The following EML1 variants were observed in gnomAD, a reference collection of about 807,000 sequenced individuals.
The protein encoded by EML1 is EMAP like 1.
A neutral mutation model predicts 110.4 loss-of-function variants in EML1; 27 were observed. The observed-to-expected ratio is 0.24, with a 90% CI of 0.18 to 0.34. The LOEUF is 0.34. Ranked by LOEUF, EML1 falls within the 10% of genes least tolerant of loss-of-function variation. EML1 has a pLI of 1.00. For missense variants in EML1, 741 were observed against 1,030.9 expected (o/e 0.72, Z 3.85); for synonymous variants, 344 against 385.8 (o/e 0.89, Z 1.27).
chr14:99,770,939 T>C (rs1177206142), upstream of EML1, among the ~76,000 whole-genome samples: 1 of 151,794 alleles, frequency 6.6e-6, no homozygotes, highest in African/African-American at 2.4e-5. Flanking sequence ...CGCCCGCCAC[T>C]ACGCCCAGCT....
chr14:99,793,671 C>A, intron 1 of EML1, 128 bp downstream of exon 1: 1 of 657,362 alleles, frequency 1.5e-6, no homozygotes, highest in Non-Finnish European at 1.9e-6. Flanking sequence ...AAAGTTGTTG[C>A]GGAGGGGCGC....
At position 99,865,558 on chromosome 14, in the gene EML1, A is replaced by G; in HGVS notation, c.295A>G (p.Asn99Asp). Reference protein sequence around the residue: ...QTLPLRTTVNNGTVLPKKPTG... With the variant: ...QTLPLRTTVNDGTVLPKKPTG... Reference sequence around the variant, plus strand: ...CCTGCCTTTAAGAACCACGGTCAACAATGGCACTGTGTTACCAAAGAAACC... The same window carrying G: ...CCTGCCTTTAAGAACCACGGTCAACGATGGCACTGTGTTACCAAAGAAACC... Residue 99 changes from asparagine to aspartate, a missense_variant, in exon 3 of 22, where the codon AAT (asparagine) becomes GAT (aspartate). This residue lies in a region of EML1 where 226 missense variants were observed against 255.6 expected (regional missense o/e 0.88). Coordinates refer to ENST00000262233, the MANE Select transcript of EML1 (RefSeq NM_004434.3). The G allele has an allele frequency of 6.2e-7, 1 of 1,614,230 alleles. No homozygotes were observed. The highest frequency in any genetic ancestry group is 8.5e-7 in the Non-Finnish European group (1 of 1,180,038).
chr14:99,889,233 G>T (rs2139978786), intron 4 of EML1, among the ~76,000 whole-genome samples: 1 of 151,408 alleles, frequency 6.6e-6, no homozygotes, highest in Middle Eastern at 3.4e-3. Flanking sequence ...CCCACACCAG[G>T]TTCTTGGCAG....
At chr14:99,925,175 G>A (rs1566941122) in intron 17 of EML1, among the ~76,000 whole-genome samples, 1 of 151,910 alleles carries the variant, frequency 6.6e-6, no homozygotes, top group African/African-American at 2.4e-5. Flanking sequence ...CAGAATGTAT[G>A]TGAATTTGGT....
chr14:99,909,290 GTC>G, intron 10 of EML1, 53 bp from the exon 11 acceptor site: 1 of 1,611,470 alleles, frequency 6.2e-7, no homozygotes, highest in South Asian at 1.1e-5. Flanking sequence ...TTTCCTACAT[GTC>G]TCTTACGCGT....
intron 3 of EML1, among the ~76,000 whole-genome samples, chr14:99,867,784 A>G (rs983274331): frequency 1.4e-4 from 21 of 152,214 alleles, no homozygotes; most frequent in Non-Finnish European, 2.1e-4. Context: ...TTTACTTTGG[A>G]TCCTTTCCTA....
upstream of EML1, among the ~76,000 whole-genome samples, chr14:99,772,734 T>C (rs141008313): frequency 1.4e-3 from 206 of 152,324 alleles, 1 homozygote; most frequent in Non-Finnish European, 6.5e-4. Flanking sequence ...CTACATATAG[T>C]ATTAATATAA....
At chr14:99,847,509 C>G (rs2058725797) in intron 1 of EML1, among the ~76,000 whole-genome samples, 1 of 152,120 alleles carries the variant, frequency 6.6e-6, no homozygotes, top group East Asian at 1.9e-4. Flanking sequence ...GCCACCATGC[C>G]TGGCTAATTT....
In EML1 at chr14:99,911,661, A is replaced by C. The variant is rs923767154; in HGVS notation, c.1494+85A>C. ...TATTAGTTTGAAATCTGTATCTTAC[A>C]GTTTTGAAAATTGTTTAGGTGAAAT... is the stretch of plus-strand genomic sequence containing the variant. On this transcript the variant is annotated intron_variant, in intron 13 of 21. Transcript: ENST00000262233. 8.2e-6 allele frequency: 12 copies of C among 1,468,300 alleles called. No individual in the cohort carries two copies. The Admixed American group carries it at 2.5e-4, about 30-fold the overall frequency. 91.0% of individuals were successfully genotyped at this position (1,468,300 alleles called of 1,614,324 possible).
At position 99,921,496 on chromosome 14, in the gene EML1, C is replaced by G. The variant is rs376399541; in HGVS notation, c.1909+619C>G. On this transcript the variant is annotated intron_variant, in intron 17 of 21. Transcript: ENST00000262233. ...TATGGCATTTAGGGTTCTTTTCCCT[C>G]CTTTGGGTCACTGTGCTTGTGTTAT... is the stretch of plus-strand genomic sequence containing the variant. Among the ~76,000 whole-genome samples the G allele has an allele frequency of 1.8e-4, 28 of 152,234 alleles. No homozygotes were observed. The East Asian group carries it at 5.2e-3, about 28-fold the overall frequency.
intron 9 of EML1, among the ~76,000 whole-genome samples, chr14:99,902,218 A>G (rs956421359): frequency 3.9e-5 from 6 of 152,212 alleles, no homozygotes; most frequent in Non-Finnish European, 8.8e-5. Flanking sequence ...AAAACAAAAT[A>G]AACAAAATTA....
At chr14:99,855,788 T>C (rs1317006023) in intron 2 of EML1, among the ~76,000 whole-genome samples, 1 of 152,234 alleles carries the variant, frequency 6.6e-6, no homozygotes, top group Non-Finnish European at 1.5e-5. Flanking sequence ...ATTGGCTTCA[T>C]TAATTAATGG....
Position 99,936,295 on chromosome 14 carries a change from T to C in EML1, c.2056T>C (p.Phe686Leu), listed in dbSNP as rs2060469624. The C allele has an allele frequency of 1.2e-6, 2 of 1,613,998 alleles. No homozygotes were observed. Among genetic ancestry groups the C allele is most frequent in the Non-Finnish European group, 1.7e-6 (2 of 1,180,032 alleles). The change falls in exon 19 of 22, where the codon TTC (phenylalanine) becomes CTC (leucine). Residue 686 changes from phenylalanine (F) to leucine (L), a missense_variant. By Grantham distance (22) the Phe-to-Leu change is conservative. Around this residue, in one of 4 missense-constraint regions of EML1, gnomAD observed 388 missense variants for 605.6 expected, o/e 0.64. Coordinates refer to ENST00000262233, the MANE Select transcript of EML1 (RefSeq NM_004434.3). This position sits in a 1 kb window ranked among gnomAD's most constrained non-coding sequence, Gnocchi z 5.5. ...THLDWSVNSQ[F>L]LVSNSGDYEI... ...CCTGGACTGGTCTGTAAACTCACAGTTCCTCGTGTCAAATTCCGGAGACTA... is the reference window on the plus strand; with the variant it reads ...CCTGGACTGGTCTGTAAACTCACAGCTCCTCGTGTCAAATTCCGGAGACTA...
At chr14:99,838,669 C>G (rs1169106671) in intron 1 of EML1, among the ~76,000 whole-genome samples, 2 of 152,104 alleles carry the variant, frequency 1.3e-5, no homozygotes, top group African/African-American at 4.8e-5. Flanking sequence ...GTCCCAGAGC[C>G]TGGTGAGCCA....
chr14:99,804,959 C>T (rs746207204), intron 1 of EML1, among the ~76,000 whole-genome samples: 4 of 152,188 alleles, frequency 2.6e-5, no homozygotes, highest in Non-Finnish European at 5.9e-5. Context: ...CCCTGGACTT[C>T]TGGTAGCTTC....
chr14:99,859,182 A>G (rs1254976074), intron 2 of EML1, among the ~76,000 whole-genome samples: 3 of 152,242 alleles, frequency 2.0e-5, no homozygotes, highest in African/African-American at 7.2e-5. Flanking sequence ...AGGCTTAATT[A>G]TGAATGTGTT....
chr14:99,807,424 G>A (rs932983720), intron 1 of EML1, among the ~76,000 whole-genome samples: 7 of 152,192 alleles, frequency 4.6e-5, no homozygotes, highest in African/African-American at 1.7e-4. Flanking sequence ...GCCCTCAATG[G>A]CCAATTTAAG....
intron 1 of EML1, among the ~76,000 whole-genome samples, chr14:99,831,467 A>C (rs2058452342): frequency 6.6e-6 from 1 of 152,190 alleles, no homozygotes; most frequent in Admixed American, 6.5e-5. Context: ...GCTGTGGGCC[A>C]GGGCCTCTCA....
rs183957016 is a variant in EML1, at chr14:99,784,362, G to A, written c.-27+10349G>A. Among the ~76,000 whole-genome samples, 466 of 152,308 alleles carry A rather than the reference G, an allele frequency of 3.1e-3. 4 individuals are homozygous for A. Among genetic ancestry groups the A allele is most frequent in the African/African-American group, 0.011 (439 of 41,556 alleles). ...CCCACCTTGGCCTCCTCAAGTGCTG[G>A]GATAACAGGTGTAAGCCACTGTGCC... On this transcript the variant is annotated intron_variant, in intron 1 of 22. Coordinates refer to the EML1 transcript ENST00000327921. The surrounding 1 kb of genome is among the most constrained non-coding windows in gnomAD (Gnocchi z 4.5).
Sources: gnomAD v4.1 joint callset for allele counts (sites outside exome capture counted in the v4.1 genomes callset) on GRCh38, gnomAD v4.1.1 for gene constraint, gnomAD v4.1.1 regional missense constraint, Gnocchi (gnomAD v3.1) non-coding constraint, MANE v1.5 for transcripts, NCBI Gene and HGNC (gene_info 2026-07-23, HGNC 2026-07-21) for gene names.